The following SIPA1L1 variants were observed in gnomAD, a reference collection of about 807,000 sequenced individuals.
SIPA1L1 encodes the protein signal-induced proliferation-associated 1-like protein 1.
SIPA1L1 carries 26 observed loss-of-function variants against 162.7 expected under a neutral mutation model. The ratio of observed to expected loss-of-function variants is 0.16; its 90% CI spans 0.12 to 0.22. The LOEUF is 0.22. Among genes scored for constraint, SIPA1L1 ranks in the 10% least tolerant of loss-of-function variants. The pLI is 1.00. For missense variants in SIPA1L1, 1,874 were observed against 2,241.0 expected (o/e 0.84, Z 3.31); for synonymous variants, 829 against 837.4 (o/e 0.99, Z 0.17).
Position 71,672,608 on chromosome 14 carries a change from C to T in SIPA1L1, c.3090C>T (p.Asp1030=), listed in dbSNP as rs1596825355. The T allele has an allele frequency of 1.9e-6, 3 of 1,613,718 alleles. No individual in the cohort carries two copies. The highest frequency in any genetic ancestry group is 2.5e-6 in the Non-Finnish European group (3 of 1,179,622). ...VKVVIIPPHD[D]CTPRRSCSET... is the part of the protein sequence containing the mutation. ...TTGTCATCATTCCCCCGCATGATGA[C>T]TGCACCCCGCGGAGGTAGGTCTGAG... is the stretch of plus-strand genomic sequence containing the variant. The change falls in exon 12 of 24, where the codon GAC becomes GAT. Residue 1030 remains aspartate (D), a synonymous_variant. Transcript: ENST00000381232.
At chr14:71,452,220 A>G (rs1321875811) in intron 2 of SIPA1L1, among the ~76,000 whole-genome samples, 1 of 151,534 alleles carries the variant, frequency 6.6e-6, no homozygotes, top group Admixed American at 6.6e-5. Context: ...TATACTACCA[A>G]AGGTAACCAC....
chr14:71,560,057 A>G (rs995523805), intron 4 of SIPA1L1, among the ~76,000 whole-genome samples: 6 of 152,142 alleles, frequency 3.9e-5, no homozygotes, highest in African/African-American at 1.4e-4. Flanking sequence ...TAATCTACCT[A>G]CCATTAATGT....
At chr14:71,603,977 T>TTA (rs1567293154) in intron 5 of SIPA1L1, among the ~76,000 whole-genome samples, 4 of 145,026 alleles carry the variant, frequency 2.8e-5, no homozygotes, top group Admixed American at 2.1e-4. Flanking sequence ...ATAGATATAT[T>TTA]TATATATATT....
intron 7 of SIPA1L1, among the ~76,000 whole-genome samples, chr14:71,637,485 C>G (rs1336474019): frequency 1.3e-5 from 2 of 152,176 alleles, no homozygotes; most frequent in East Asian, 3.9e-4. Context: ...ATCTCAGCAA[C>G]TCAGGAGGCT....
intron 4 of SIPA1L1, among the ~76,000 whole-genome samples, chr14:71,563,777 T>C (rs1379829883): frequency 6.6e-6 from 1 of 152,230 alleles, no homozygotes; most frequent in African/African-American, 2.4e-5. Flanking sequence ...GTTTTCTTTG[T>C]GAAAGTTTTC....
At chr14:71,732,708 G>C (rs1007366714) in intron 20 of SIPA1L1, among the ~76,000 whole-genome samples, 1 of 152,190 alleles carries the variant, frequency 6.6e-6, no homozygotes, top group Non-Finnish European at 1.5e-5. Flanking sequence ...TGTGATGACT[G>C]CATCCTAGAG....
chr14:71,356,567 C>CAAAATAAAAAAAAAAAAAA (rs2037267246), intron 2 of SIPA1L1, among the ~76,000 whole-genome samples: 1 of 39,172 alleles, frequency 2.6e-5, no homozygotes, highest in Non-Finnish European at 4.3e-5. Flanking sequence ...CTTGTCTCTA[C>CAAAATAAAAAAAAAAAAAA]AAAAAAAAAA....
chr14:71,487,274 T>G (rs1406730042), intron 2 of SIPA1L1, among the ~76,000 whole-genome samples: 2 of 152,190 alleles, frequency 1.3e-5, no homozygotes, highest in East Asian at 3.8e-4. Flanking sequence ...GCTGGTTTAG[T>G]GGCTTAGGTG....
chr14:71,500,258 A>C (rs906051200), intron 2 of SIPA1L1, among the ~76,000 whole-genome samples: 1 of 152,220 alleles, frequency 6.6e-6, no homozygotes, highest in African/African-American at 2.4e-5. Context: ...TCATAACCAC[A>C]ATACATAAAG....
intron 7 of SIPA1L1, among the ~76,000 whole-genome samples, chr14:71,624,711 CAGAG>C (rs34385923): frequency 0.096 from 14,632 of 152,120 alleles, 912 homozygotes; most frequent in Non-Finnish European, 0.14. Context: ...TTCTGGGACA[CAGAG>C]AGATTAAGTA....
chr14:71,387,865 T>G (rs1595163362), intron 2 of SIPA1L1, among the ~76,000 whole-genome samples: 2 of 152,258 alleles, frequency 1.3e-5, no homozygotes, highest in African/African-American at 4.8e-5. Flanking sequence ...GCTTAACATT[T>G]AAATAAAAAC....
intron 2 of SIPA1L1, among the ~76,000 whole-genome samples, chr14:71,381,114 G>A (rs553998477): frequency 1.2e-3 from 184 of 152,288 alleles, no homozygotes; most frequent in African/African-American, 4.2e-3. Flanking sequence ...GTCCAGTGGC[G>A]TGATCTTGGC....
At position 71,658,418 on chromosome 14, in the gene SIPA1L1, A is replaced by G. The variant is rs1413477072; in HGVS notation, c.2079A>G (p.Thr693=). 7 of 1,596,054 alleles carry G rather than the reference A, an allele frequency of 4.4e-6. No homozygotes were observed. Among genetic ancestry groups the G allele is most frequent in the Non-Finnish European group, 6.0e-6 (7 of 1,163,704 alleles). ...ATGTTTCTACCATGCTGCCATACAC[A>G]CCCAACAACAAACAACAGGTAAGAG... The part of the protein sequence containing the change: ...MFHVSTMLPY[T]PNNKQQLLRK... The change falls in exon 9 of 24, where the codon ACA becomes ACG. Residue 693 remains threonine, a synonymous_variant. Coordinates refer to ENST00000381232, the MANE Select transcript of SIPA1L1 (RefSeq NM_001386936.1).
chr14:71,467,884 T>C (rs1484305253), intron 2 of SIPA1L1, among the ~76,000 whole-genome samples: 1 of 151,046 alleles, frequency 6.6e-6, no homozygotes, highest in Admixed American at 6.6e-5. Context: ...GAAAAAGTAT[T>C]GGCTTCTATC....
At chr14:71,717,350 A>T (rs1020197171) in intron 17 of SIPA1L1, among the ~76,000 whole-genome samples, 10 of 152,356 alleles carry the variant, frequency 6.6e-5, no homozygotes, top group Non-Finnish European at 1.2e-4. Context: ...TAGTTTCTTC[A>T]TGTAGAATTT....
At chr14:71,719,184 C>G (rs2083496046) in intron 17 of SIPA1L1, among the ~76,000 whole-genome samples, 1 of 152,068 alleles carries the variant, frequency 6.6e-6, no homozygotes, top group African/African-American at 2.4e-5. Flanking sequence ...AGTAATCTGC[C>G]CGTCTCAGCC....
chr14:71,720,658 G>C (rs1418049207), intron 17 of SIPA1L1, among the ~76,000 whole-genome samples: 1 of 151,976 alleles, frequency 6.6e-6, no homozygotes, highest in African/African-American at 2.4e-5. Context: ...TACTGTGACT[G>C]TGTATTTTCA....
intron 4 of SIPA1L1, among the ~76,000 whole-genome samples, chr14:71,544,311 T>A (rs1180245808): frequency 6.6e-6 from 1 of 151,614 alleles, no homozygotes; most frequent in Non-Finnish European, 1.5e-5. Flanking sequence ...TGTGTGTATA[T>A]ACATATATGT....
At chr14:71,594,970 C>T (rs931377977) in intron 5 of SIPA1L1, among the ~76,000 whole-genome samples, 10 of 152,120 alleles carry the variant, frequency 6.6e-5, no homozygotes, top group African/African-American at 2.2e-4. Context: ...CTTTGGAAAG[C>T]AGAGGTCCTC....
Sources: allele counts gnomAD v4.1 joint callset (sites outside exome capture counted in the v4.1 genomes callset), GRCh38; gene constraint gnomAD v4.1.1; transcripts MANE v1.5; gene names NCBI Gene and HGNC (gene_info 2026-07-23, HGNC 2026-07-21).